MEAK7: variants seen among roughly 807,000 people sequenced by gnomAD.
MEAK7 encodes MTOR associated protein MEAK7, also known as MTOR-associated protein MEAK7.
MEAK7 carries 68 observed loss-of-function variants against 40.5 expected under a neutral mutation model. The observed-to-expected ratio is 1.68, with a 90% CI of 1.38 to 2.06. The LOEUF is 2.06. MEAK7 is among the 30% of genes most tolerant of loss of function. The pLI is 0.00. For synonymous variants in MEAK7, 338 were observed against 231.9 expected, an observed-to-expected ratio of 1.46 and a Z score of -4.16; for missense variants, 918 against 580.5, an observed-to-expected ratio of 1.58 and a Z score of -5.98.
At chr16:84,494,466 T>C (rs552835379) in intron 3 of MEAK7, among the ~76,000 whole-genome samples, 4 of 152,300 alleles carry the variant, frequency 2.6e-5, no homozygotes, top group African/African-American at 9.6e-5. Context: ...TGATTTGAAA[T>C]CATTAAAAAA....
At position 84,479,070 on chromosome 16, in the gene MEAK7, A is replaced by C. The variant is rs996603446; in HGVS notation, c.*843T>G. ...TGTTCCTCACACACATTCATTTAAA[A>C]ACAGCTGAGAGAGCTGGGTGTGGAA... On this transcript the variant is annotated 3_prime_UTR_variant, in exon 8 of 8. Transcript: ENST00000343629. 1 of 152,210 alleles carries C rather than the reference A, an allele frequency of 6.6e-6. No individual in the cohort carries two copies. The allele number at this position is 152,210 out of a possible 1,614,324, so 9.4% of individuals were successfully genotyped here. A position where few individuals can be genotyped will look rare whatever the true frequency, so the allele number is the denominator to read the frequency against.
chr16:84,486,562 C>A, intron 5 of MEAK7, 69 bp downstream of exon 5: 3 of 1,518,078 alleles, frequency 2.0e-6, no homozygotes, highest in Non-Finnish European at 2.6e-6. Flanking sequence ...CACCCCCACC[C>A]TCTCCCTTTC....
intron 4 of MEAK7, among the ~76,000 whole-genome samples, chr16:84,488,890 A>G (rs549805712): frequency 6.6e-6 from 1 of 152,296 alleles, no homozygotes; most frequent in South Asian, 2.1e-4. Context: ...GGAAAAGAAG[A>G]CCAAACAAAT....
At chr16:84,502,577 G>A (rs1319924489) in intron 1 of MEAK7, 1 of 152,038 alleles carries the variant, frequency 6.6e-6, no homozygotes, top group Non-Finnish European at 1.5e-5. Context: ...AAAGTCCCAT[G>A]ACACCGAGAA....
chr16:84,486,759 T>C lies in MEAK7; in HGVS notation c.830A>G (p.His277Arg). 6.2e-7 allele frequency: 1 copy of C among 1,613,958 alleles called. No individual in the cohort carries two copies. ...GTGGCCACAGAGCTGGGAGAAGCTG[T>C]GTCCATGGAGCTCAGACGAAAAGAG... ...CLLFSSELHGHSFSQLCGHIT... is the reference protein window; with the variant it reads ...CLLFSSELHGRSFSQLCGHIT... Residue 277 changes from histidine (H) to arginine (R), a missense_variant, in exon 5 of 8, where the codon CAC becomes CGC. Physicochemically the swap from His to Arg is conservative, Grantham distance 29 (BLOSUM62 0). Transcript: ENST00000343629.
At chr16:84,497,735 C>T in intron 2 of MEAK7, 199 bp downstream of exon 2, 1 of 1,348,028 alleles carries the variant, frequency 7.4e-7, no homozygotes, top group Non-Finnish European at 1.0e-6. Flanking sequence ...ACAGTAACGG[C>T]AGAGCAGAGG....
chr16:84,483,392 G>T (rs1313470498), intron 5 of MEAK7, among the ~76,000 whole-genome samples: 3 of 152,260 alleles, frequency 2.0e-5, no homozygotes, highest in Non-Finnish European at 4.4e-5. Flanking sequence ...CTCCCAGCGA[G>T]GGACACTTCC....
intron 4 of MEAK7, among the ~76,000 whole-genome samples, 182 bp downstream of exon 4, chr16:84,489,096 C>CCT (rs142791660): frequency 0.011 from 1,606 of 152,244 alleles, 36 homozygotes; most frequent in African/African-American, 0.037. Context: ...TGGGGACATC[C>CCT]CTATTGCTTT....
intron 6 of MEAK7, among the ~76,000 whole-genome samples, chr16:84,481,914 A>C (rs1912586680): frequency 1.3e-5 from 2 of 152,132 alleles, no homozygotes; most frequent in South Asian, 4.1e-4. Flanking sequence ...AGCCTGGACA[A>C]GAGTGGACTC....
rs199562807 is a variant in MEAK7 at position 84,486,267 on chromosome 16, C to T, written c.958+364G>A. Reference sequence around the variant, plus strand: ...CAAATTCCAACAAGCAAACGCGTGGCGGTGGGGGCAGGGGCAGGAAGGCCC... The same window carrying T: ...CAAATTCCAACAAGCAAACGCGTGGTGGTGGGGGCAGGGGCAGGAAGGCCC... On this transcript the variant is annotated intron_variant, in intron 5 of 7. Coordinates refer to ENST00000343629, the MANE Select transcript of MEAK7 (RefSeq NM_020947.4). 8.0e-3 allele frequency: 1,586 copies of T among 198,558 alleles called. 27 individuals are homozygous for T. Among genetic ancestry groups the T allele is most frequent in the African/African-American group, 0.037 (1,457 of 39,862 alleles). 12.3% of individuals were successfully genotyped at this position (198,558 alleles called of 1,614,324 possible).
intron 3 of MEAK7, among the ~76,000 whole-genome samples, chr16:84,492,716 G>A (rs1913729034): frequency 6.6e-6 from 1 of 152,022 alleles, no homozygotes; most frequent in African/African-American, 2.4e-5. Flanking sequence ...CGAGTAGCTG[G>A]GACTACAGGT....
In MEAK7 at chr16:84,480,632, G is replaced by C. The variant is rs1225578532; in HGVS notation, c.1154C>G (p.Pro385Arg). The change falls in exon 7 of 8, where the codon CCC becomes CGC. Residue 385 changes from proline (P) to arginine (R), a missense_variant. Physicochemically the swap from Pro to Arg is moderately radical, Grantham distance 103. Coordinates refer to ENST00000343629, the MANE Select transcript of MEAK7 (RefSeq NM_020947.4). ...DFGKGHSRAK[P>R]TCTTYNSPQL... Reference sequence around the variant, plus strand: ...CGGGCTGTTGTACGTGGTGCACGTGGGCTTGGCTCTGCTGTGTCCTTTCCC... The same window carrying C: ...CGGGCTGTTGTACGTGGTGCACGTGCGCTTGGCTCTGCTGTGTCCTTTCCC... The C allele has an allele frequency of 6.2e-7, 1 of 1,614,038 alleles. No individual in the cohort carries two copies. The highest frequency in any genetic ancestry group is 1.3e-5 in the African/African-American group (1 of 75,012).
At position 84,489,377 on chromosome 16, in the gene MEAK7, T is replaced by A; in HGVS notation, c.430A>T (p.Arg144Ter). ...VGSVVHVLSH[R>*]QELRGWTGKE... ...CCAGTCCAGCCTCTCAGCTCCTGTC[T>A]GTGGCTTAGCACGTGCACCACAGAG... The change falls in exon 4 of 8, where the codon AGA (arginine) becomes TGA (stop). Residue 144 changes from arginine to a stop codon, truncating the protein, a stop_gained. Coordinates refer to ENST00000343629, the MANE Select transcript of MEAK7 (RefSeq NM_020947.4). LOFTEE classifies it high-confidence loss of function. 1 of 1,614,122 alleles carries A rather than the reference T, an allele frequency of 6.2e-7. No homozygotes were observed. Among genetic ancestry groups the A allele is most frequent in the East Asian group, 2.2e-5 (1 of 44,868 alleles).
chr16:84,479,684 C>A lies in MEAK7; in HGVS notation c.*229G>T. 2.6e-6 allele frequency: 1 copy of A among 386,848 alleles called. No individual in the cohort carries two copies. The highest frequency in any genetic ancestry group is 4.5e-5 in the Admixed American group (1 of 22,452). The allele number at this position is 386,848 out of a possible 1,614,324, so 24.0% of individuals were successfully genotyped here. ...TTCTTGGAGAGATCCTGAGGGTGAC[C>A]CTGTAGGGAAAAAAAGAAAACTTAA... On this transcript the variant is annotated 3_prime_UTR_variant, in exon 8 of 8. Coordinates refer to ENST00000343629, the MANE Select transcript of MEAK7 (RefSeq NM_020947.4).
chr16:84,490,940 C>G (rs1913543885), intron 3 of MEAK7, among the ~76,000 whole-genome samples: 1 of 150,758 alleles, frequency 6.6e-6, no homozygotes, highest in Non-Finnish European at 1.5e-5. Context: ...TACAGAACCC[C>G]AAAGTTATAA....
At chr16:84,496,287 G>A (rs1914044418) in intron 2 of MEAK7, among the ~76,000 whole-genome samples, 1 of 152,150 alleles carries the variant, frequency 6.6e-6, no homozygotes, top group South Asian at 2.1e-4. Flanking sequence ...CATGGGCTAC[G>A]TGAATGACAT....
rs1378337476 is a variant in MEAK7, at chr16:84,487,136, G to C, written c.530-77C>G. The C allele has an allele frequency of 7.0e-6, 10 of 1,433,744 alleles. No homozygotes were observed. The Admixed American group carries it at 1.9e-4, about 27-fold the overall frequency. 88.8% of individuals were successfully genotyped at this position (1,433,744 alleles called of 1,614,324 possible). A position where few individuals can be genotyped will look rare whatever the true frequency, so the allele number is the denominator to read the frequency against. The stretch of plus-strand genomic sequence containing the variant: ...CTACTATCTAAACCCACACTGATCA[G>C]TGTGGGAGCCACGAGTCACATGCAA... On this transcript the variant is annotated intron_variant, in intron 4 of 7. Transcript: ENST00000343629.
At position 84,482,608 on chromosome 16, in the gene MEAK7, G is replaced by A. The variant is rs140439420; in HGVS notation, c.1061C>T (p.Thr354Met). ...CGGGCTCACCAGTCCGTTCGGGATC[G>A]TCTGCTGTCCATGGTTCAAGTACAT... ...HYMYLNHGQQ[T>M]IPNGLGMGGQ... Residue 354 changes from threonine to methionine, a missense_variant, in exon 6 of 8, where the codon ACG becomes ATG. Physicochemically the swap from Thr to Met is moderately conservative, Grantham distance 81. Transcript: ENST00000343629. 7,043 of 1,614,230 alleles carry A rather than the reference G, an allele frequency of 4.4e-3. 21 individuals are homozygous for A. Among genetic ancestry groups the A allele is most frequent in the Non-Finnish European group, 5.0e-3 (5,920 of 1,180,034 alleles).
chr16:84,490,220 G>T (rs904911109), intron 3 of MEAK7, among the ~76,000 whole-genome samples: 4 of 151,268 alleles, frequency 2.6e-5, no homozygotes, highest in African/African-American at 9.7e-5. Flanking sequence ...AAATCCGAGG[G>T]AACGTTCCAA....
Sources: gnomAD v4.1 joint callset for allele counts (sites outside exome capture counted in the v4.1 genomes callset) on GRCh38, gnomAD v4.1.1 for gene constraint, MANE v1.5 for transcripts, NCBI Gene and HGNC (gene_info 2026-07-23, HGNC 2026-07-21) for gene names.